The following PCDH15 variants were observed in gnomAD, a reference collection of about 807,000 sequenced individuals.
PCDH15 encodes the protein protocadherin-15.
A neutral mutation model predicts 178.5 loss-of-function variants in PCDH15; 129 were observed. That is an observed-to-expected ratio of 0.72 (90% CI 0.63 to 0.84). The LOEUF (loss-of-function observed/expected upper bound fraction) is 0.84. PCDH15 is among the 40% of genes least tolerant of loss of function. The probability of loss-of-function intolerance (pLI) is 0.00; values close to 1 mark genes in which losing one functional copy is unlikely to be tolerated. For synonymous variants in PCDH15, 800 were observed against 732.0 expected, an observed-to-expected ratio of 1.09 and a Z score of -1.50; for missense variants, 2,230 against 2,099.9, an observed-to-expected ratio of 1.06 and a Z score of -1.21.
chr10:54,698,838 G>A (rs1053846510), intron 1 of PCDH15, among the ~76,000 whole-genome samples: 3 of 151,964 alleles, frequency 2.0e-5, no homozygotes, highest in Non-Finnish European at 2.9e-5. Flanking sequence ...TCTTTAGAAG[G>A]CACCATTTTT....
intron 19 of PCDH15, among the ~76,000 whole-genome samples, chr10:54,021,157 C>A (rs970393981): frequency 9.9e-5 from 15 of 152,004 alleles, no homozygotes; most frequent in African/African-American, 3.6e-4. Context: ...AAATTGGGAA[C>A]GATATCCTTT....
intron 2 of PCDH15, among the ~76,000 whole-genome samples, chr10:54,953,866 T>A (rs1033145210): frequency 1.4e-4 from 21 of 151,394 alleles, no homozygotes; most frequent in East Asian, 5.8e-4. Context: ...TACAATTTTT[T>A]AAAAAATATT....
intron 1 of PCDH15, among the ~76,000 whole-genome samples, chr10:54,744,159 C>A (rs1444483461): frequency 1.3e-5 from 2 of 152,068 alleles, no homozygotes; most frequent in African/African-American, 4.8e-5. Context: ...CTCTTGCCAA[C>A]CACCAGTTAG....
At chr10:53,868,249 CTTA>C (rs144874426) in intron 26 of PCDH15, among the ~76,000 whole-genome samples, 1,655 of 151,734 alleles carry the variant, frequency 0.011, 34 homozygotes, top group African/African-American at 0.038. Flanking sequence ...TCCGATTATT[CTTA>C]TTTTTACCTA....
chr10:55,374,084 T>TATA (rs71461295), intron 2 of PCDH15, among the ~76,000 whole-genome samples: 13,842 of 143,792 alleles, frequency 0.096, 944 homozygotes, highest in African/African-American at 0.19. Context: ...GAACTTAAAG[T>TATA]ATAATAATAA....
intron 1 of PCDH15, among the ~76,000 whole-genome samples, chr10:54,771,056 C>G (rs1178154392): frequency 1.3e-5 from 2 of 152,046 alleles, no homozygotes; most frequent in African/African-American, 4.8e-5. Context: ...ACGCTTACCC[C>G]TTTCTTATCT....
At chr10:54,113,413 C>T (rs960036926) in intron 15 of PCDH15, among the ~76,000 whole-genome samples, 1 of 152,118 alleles carries the variant, frequency 6.6e-6, no homozygotes, top group Non-Finnish European at 1.5e-5. Context: ...CATGTACACT[C>T]AGTGGCCTCA....
chr10:54,329,322 T>C (rs566801293), intron 7 of PCDH15, among the ~76,000 whole-genome samples: 64 of 152,076 alleles, frequency 4.2e-4, no homozygotes, highest in African/African-American at 1.5e-3. Flanking sequence ...ATTTGCAGGA[T>C]CCTACTTTGA....
At chr10:53,934,191 T>A (rs1021946943) in intron 25 of PCDH15, among the ~76,000 whole-genome samples, 4 of 151,968 alleles carry the variant, frequency 2.6e-5, no homozygotes, top group African/African-American at 9.7e-5. Context: ...ATACTAGGAA[T>A]CTCCCAGTGA....
intron 2 of PCDH15, among the ~76,000 whole-genome samples, chr10:55,339,263 A>G: frequency 6.6e-6 from 1 of 150,980 alleles, no homozygotes; most frequent in Non-Finnish European, 1.5e-5. Flanking sequence ...CAATAAATAC[A>G]TACAACAATT....
At chr10:54,412,392 C>G (rs1953667725) in intron 3 of PCDH15, among the ~76,000 whole-genome samples, 1 of 151,942 alleles carries the variant, frequency 6.6e-6, no homozygotes, top group African/African-American at 2.4e-5. Flanking sequence ...AGAAGTTGAT[C>G]TTACAGGTAT....
intron 3 of PCDH15, among the ~76,000 whole-genome samples, chr10:54,476,927 A>C (rs575752158): frequency 6.6e-6 from 1 of 152,162 alleles, no homozygotes. Flanking sequence ...CCAGTATCAA[A>C]TTTTCATTAA....
chr10:54,186,128 G>A (rs552281184), intron 11 of PCDH15, among the ~76,000 whole-genome samples: 4 of 151,942 alleles, frequency 2.6e-5, no homozygotes, highest in Admixed American at 6.6e-5. Flanking sequence ...CAGGTGGAGC[G>A]AAGAAAAAAG....
At chr10:54,255,391 A>T (rs2056819315) in intron 8 of PCDH15, among the ~76,000 whole-genome samples, 1 of 152,106 alleles carries the variant, frequency 6.6e-6, no homozygotes, top group Admixed American at 6.6e-5. Context: ...TTCACTTAGA[A>T]CTTTCTTAGT....
At chr10:54,038,823 A>G (rs975886294) in intron 18 of PCDH15, among the ~76,000 whole-genome samples, 4 of 152,030 alleles carry the variant, frequency 2.6e-5, no homozygotes, top group Admixed American at 1.3e-4. Context: ...TTAACAGAAT[A>G]TAGCAAATTT....
At chr10:53,858,179 T>C (rs1564624139) in intron 27 of PCDH15, among the ~76,000 whole-genome samples, 2 of 152,180 alleles carry the variant, frequency 1.3e-5, no homozygotes, top group African/African-American at 2.4e-5. Context: ...AAAATATAAA[T>C]GCATTTGTAC....
chr10:53,933,670 A>G (rs1364933417), intron 25 of PCDH15, among the ~76,000 whole-genome samples: 9 of 152,240 alleles, frequency 5.9e-5, no homozygotes, highest in African/African-American at 2.2e-4. Context: ...ATGATTTATA[A>G]TCCTTTGGGT....
chr10:54,976,902 A>G (rs1246513936), intron 2 of PCDH15, among the ~76,000 whole-genome samples: 1 of 152,152 alleles, frequency 6.6e-6, no homozygotes, highest in Non-Finnish European at 1.5e-5. Flanking sequence ...TCCCTTAGTT[A>G]GTTTGGTCTA....
At chr10:54,142,916 G>A (rs73241787) in intron 14 of PCDH15, among the ~76,000 whole-genome samples, 2,343 of 152,124 alleles carry the variant, frequency 0.015, 75 homozygotes, top group African/African-American at 0.054. Flanking sequence ...AAATGTTTTT[G>A]TTTTATTATT....
Sources: gnomAD v4.1 joint callset for allele counts (sites outside exome capture counted in the v4.1 genomes callset) on GRCh38, gnomAD v4.1.1 for gene constraint, MANE v1.5 for transcripts, NCBI Gene and HGNC (gene_info 2026-07-23, HGNC 2026-07-21) for gene names.